Variants in ARHGAP44 observed in about 807,000 individuals in gnomAD.
The protein encoded by ARHGAP44 is Rho GTPase activating protein 44.
In ARHGAP44, 43 loss-of-function variants were observed where a neutral mutation model predicts 106.8. That is an observed-to-expected ratio of 0.40 (90% confidence interval 0.32 to 0.52). ARHGAP44 has a LOEUF of 0.52. Among genes scored for constraint, ARHGAP44 ranks in the 20% least tolerant of loss-of-function variants. The pLI is 0.48. For synonymous variants in ARHGAP44, 439 were observed against 410.3 expected (o/e 1.07, Z -0.85); for missense variants, 866 against 1,050.5 (o/e 0.82, Z 2.43).
chr17:12,789,917 C>G, intron 1 of ARHGAP44, 26 bp downstream of exon 1: 2 of 1,505,114 alleles, frequency 1.3e-6, no homozygotes. Flanking sequence ...GCACCGCTGT[C>G]GGTGCGCGCC....
chr17:12,946,672 G>A (rs971613751), intron 10 of ARHGAP44, among the ~76,000 whole-genome samples: 17 of 151,544 alleles, frequency 1.1e-4, no homozygotes, highest in African/African-American at 4.1e-4. Flanking sequence ...AGTGGCACAC[G>A]CATCTGTAAT....
chr17:12,882,329 C>T (rs1277300545), intron 1 of ARHGAP44, among the ~76,000 whole-genome samples: 8 of 151,998 alleles, frequency 5.3e-5, no homozygotes, highest in Admixed American at 5.2e-4. Flanking sequence ...AGCCATCTTT[C>T]TCAAGTTTTA....
intron 16 of ARHGAP44, among the ~76,000 whole-genome samples, chr17:12,961,930 T>A (rs72815122): frequency 0.022 from 3,393 of 152,216 alleles, 49 homozygotes; most frequent in Middle Eastern, 0.048. Flanking sequence ...CCCTATGTTA[T>A]CTTAGTAACA....
intron 4 of ARHGAP44, among the ~76,000 whole-genome samples, chr17:12,911,182 C>G (rs2037726569): frequency 1.3e-5 from 2 of 152,042 alleles, no homozygotes; most frequent in South Asian, 4.1e-4. Flanking sequence ...TTCAGGTTGA[C>G]AGACATGAAA....
intron 18 of ARHGAP44, 114 bp downstream of exon 18, chr17:12,974,424 T>C: frequency 1.1e-6 from 1 of 910,756 alleles, no homozygotes; most frequent in East Asian, 3.3e-5. Flanking sequence ...CCGCCCCCAT[T>C]TCTAAGCATT....
At chr17:12,885,336 T>G (rs1472437159) in intron 1 of ARHGAP44, among the ~76,000 whole-genome samples, 5 of 152,032 alleles carry the variant, frequency 3.3e-5, no homozygotes, top group Non-Finnish European at 5.9e-5. Context: ...TGTGTGTGTG[T>G]GTGTGTGTGT....
chr17:12,979,740 G>A (rs974923732), intron 18 of ARHGAP44, among the ~76,000 whole-genome samples: 2 of 152,224 alleles, frequency 1.3e-5, no homozygotes, highest in African/African-American at 4.8e-5. Flanking sequence ...GGCAGGATAC[G>A]GTAGAGGTGC....
chr17:12,847,009 G>A (rs956906202), intron 1 of ARHGAP44, among the ~76,000 whole-genome samples: 10 of 152,202 alleles, frequency 6.6e-5, no homozygotes, highest in South Asian at 4.1e-4. Flanking sequence ...AGACAGCGTC[G>A]TTGAAGTGGC....
chr17:12,919,897 G>A, intron 6 of ARHGAP44, 66 bp downstream of exon 6: 4 of 1,358,624 alleles, frequency 2.9e-6, no homozygotes, highest in East Asian at 2.4e-5. Context: ...GGGCGGGTGG[G>A]TTTTAAGTAG....
At chr17:12,978,337 T>C (rs1188919287) in intron 18 of ARHGAP44, among the ~76,000 whole-genome samples, 1 of 151,926 alleles carries the variant, frequency 6.6e-6, no homozygotes, top group African/African-American at 2.4e-5. Flanking sequence ...TCTGTTTCTG[T>C]TTTTCATGAA....
chr17:12,967,101 A>AT (rs61542489), intron 16 of ARHGAP44, among the ~76,000 whole-genome samples: 146 of 124,748 alleles, frequency 1.2e-3, no homozygotes, highest in Middle Eastern at 8.2e-3. Flanking sequence ...CTTCTTCCTC[A>AT]TTTTTTTTTT....
intron 1 of ARHGAP44, among the ~76,000 whole-genome samples, chr17:12,828,895 C>T (rs975785381): frequency 3.3e-5 from 5 of 151,610 alleles, no homozygotes; most frequent in Admixed American, 3.3e-4. Context: ...CCCACCTCGG[C>T]CTCCCAAAGT....
intron 7 of ARHGAP44, among the ~76,000 whole-genome samples, chr17:12,933,476 C>G (rs559081291): frequency 6.6e-4 from 100 of 152,318 alleles, no homozygotes; most frequent in African/African-American, 2.3e-3. Flanking sequence ...TGTGTTCTTT[C>G]AGGAGCCCAT....
rs373370695 is a variant in ARHGAP44, at chr17:12,953,995, C to T, written c.1136+1414C>T. Among the ~76,000 whole-genome samples the T allele has an allele frequency of 8.5e-5, 13 of 152,058 alleles. No homozygotes were observed. In the South Asian group the frequency reaches 1.0e-3, roughly 12 times the overall value. ...CCCACCACCTGGGATTCGAGTGATT[C>T]TCCTGCCTCAGCCTCCTGAGTAGCT... On this transcript the variant is annotated intron_variant, in intron 13 of 20. Transcript: ENST00000379672.
chr17:12,948,731 C>T (rs1292745110), intron 10 of ARHGAP44, among the ~76,000 whole-genome samples: 4 of 151,028 alleles, frequency 2.6e-5, no homozygotes, highest in Non-Finnish European at 4.4e-5. Context: ...CATACACACA[C>T]ACACACACAC....
intron 20 of ARHGAP44, among the ~76,000 whole-genome samples, chr17:12,989,136 G>A (rs894266816): frequency 1.2e-4 from 16 of 134,898 alleles, no homozygotes; most frequent in African/African-American, 3.8e-4. Flanking sequence ...CTAAGCAGGC[G>A]GAGGAAGGGG....
intron 16 of ARHGAP44, among the ~76,000 whole-genome samples, chr17:12,970,809 C>G (rs2039511199): frequency 6.6e-6 from 1 of 152,160 alleles, no homozygotes; most frequent in South Asian, 2.1e-4. Flanking sequence ...AGTTGGATCC[C>G]CGATCTGTGA....
At chr17:12,901,202 G>A (rs990243876) in intron 3 of ARHGAP44, among the ~76,000 whole-genome samples, 3 of 152,072 alleles carry the variant, frequency 2.0e-5, no homozygotes, top group African/African-American at 7.2e-5. Flanking sequence ...GGAATTACAG[G>A]TGTGAGCCAC....
intron 1 of ARHGAP44, among the ~76,000 whole-genome samples, chr17:12,799,028 A>G (rs2034008789): frequency 6.6e-6 from 1 of 152,158 alleles, no homozygotes; most frequent in African/African-American, 2.4e-5. Context: ...CCTAATTTAC[A>G]ATTCTGTTTT....
Sources: allele counts gnomAD v4.1 joint callset (sites outside exome capture counted in the v4.1 genomes callset), GRCh38; gene constraint gnomAD v4.1.1; transcripts MANE v1.5; gene names NCBI Gene and HGNC (gene_info 2026-07-23, HGNC 2026-07-21).